The following TANK variants were observed in gnomAD, a reference collection of about 807,000 sequenced individuals.
TANK encodes the protein TRAF family member associated NFKB activator.
Under a neutral mutation model 43.6 loss-of-function variants are expected in TANK, and 15 were observed. The observed-to-expected ratio is 0.34, with a 90% CI of 0.23 to 0.53. The LOEUF (loss-of-function observed/expected upper bound fraction) is 0.53. TANK is among the 20% of genes least tolerant of loss of function. TANK has a pLI of 0.94. For missense variants in TANK, 417 were observed against 498.6 expected (o/e 0.84, Z 1.56); for synonymous variants, 162 against 178.2 (o/e 0.91, Z 0.73).
chr2:161,191,894 A>T (rs1263487470), intron 2 of TANK, among the ~76,000 whole-genome samples: 2 of 151,550 alleles, frequency 1.3e-5, no homozygotes, highest in Non-Finnish European at 1.5e-5. Flanking sequence ...TTCAAATGAT[A>T]CTCCTGCCTA....
At chr2:161,198,895 C>T (rs892432961) in intron 2 of TANK, among the ~76,000 whole-genome samples, 1 of 152,112 alleles carries the variant, frequency 6.6e-6, no homozygotes, top group Non-Finnish European at 1.5e-5. Flanking sequence ...AGGGTGGGAA[C>T]GTACAGGGCT....
intron 1 of TANK, 85 bp downstream of exon 1, chr2:161,160,571 C>A: frequency 1.8e-6 from 2 of 1,111,820 alleles, no homozygotes; most frequent in Non-Finnish European, 2.4e-6. Context: ...GAGAGGGACG[C>A]GCTGACAGTA....
intron 4 of TANK, chr2:161,211,705 A>G (rs773909755): frequency 1.1e-5 from 11 of 966,864 alleles, no homozygotes; most frequent in South Asian, 4.8e-5. Flanking sequence ...AATTCCTTTA[A>G]TGTTTAATCT....
intron 4 of TANK, chr2:161,207,514 C>A: frequency 1.0e-6 from 1 of 984,166 alleles, no homozygotes; most frequent in Non-Finnish European, 1.2e-6. Context: ...GAGCACTAAA[C>A]GTATAAGGGA....
At chr2:161,180,099 C>T (rs1168827016) in intron 2 of TANK, 2 of 1,009,560 alleles carry the variant, frequency 2.0e-6, no homozygotes, top group East Asian at 1.8e-4. Flanking sequence ...GTATCACTGT[C>T]TCCATTTGTT....
chr2:161,174,727 C>G (rs1220660833), intron 1 of TANK, among the ~76,000 whole-genome samples: 1 of 152,118 alleles, frequency 6.6e-6, no homozygotes, highest in East Asian at 1.9e-4. Context: ...TTTCAGGCAT[C>G]ATGGGGAAAG....
intron 2 of TANK, among the ~76,000 whole-genome samples, chr2:161,189,352 AT>A (rs1252703043): frequency 6.6e-6 from 1 of 152,190 alleles, no homozygotes; most frequent in Non-Finnish European, 1.5e-5. Flanking sequence ...CTGTTTTAGG[AT>A]TTTAAGAAAC....
intron 2 of TANK, among the ~76,000 whole-genome samples, chr2:161,181,708 G>C (rs1685436037): frequency 6.6e-6 from 1 of 152,124 alleles, no homozygotes. Flanking sequence ...CCGCCTCCAT[G>C]ATCCAGTCAC....
At chr2:161,145,449 G>A (rs1037793262) in intron 1 of TANK, among the ~76,000 whole-genome samples, 3 of 151,690 alleles carry the variant, frequency 2.0e-5, no homozygotes, top group African/African-American at 7.3e-5. Flanking sequence ...TGATATTTTG[G>A]TGTGTTTTTG....
In TANK at chr2:161,229,358, A is replaced by C. The variant is rs1019185706; in HGVS notation, c.521-1613A>C. Reference sequence around the variant, plus strand: ...TCTGAGGGGCTTGTAGAGCCATCAAAAGATTTTATTAGGAAGGTAACTTGG... The same window carrying C: ...TCTGAGGGGCTTGTAGAGCCATCAACAGATTTTATTAGGAAGGTAACTTGG... On this transcript the variant is annotated intron_variant, in intron 6 of 7. Coordinates refer to ENST00000392749, the MANE Select transcript of TANK (RefSeq NM_001199135.3). Among the ~76,000 whole-genome samples the C allele has an allele frequency of 3.3e-5, 5 of 152,318 alleles. 1 individual carries two copies. Among genetic ancestry groups the C allele is most frequent in the South Asian group, 4.1e-4 (2 of 4,828 alleles).
Position 161,224,716 on chromosome 2 carries a change from A to G in TANK, c.490A>G (p.Ser164Gly). 1.3e-6 allele frequency: 2 copies of G among 1,578,992 alleles called. No individual in the cohort carries two copies. Among genetic ancestry groups the G allele is most frequent in the Non-Finnish European group, 1.7e-6 (2 of 1,161,960 alleles). Residue 164 changes from serine to glycine, a missense_variant, in exon 6 of 8, where the codon AGC becomes GGC. Ser to Gly is a moderately conservative substitution (Grantham distance 56). Coordinates refer to ENST00000392749, the MANE Select transcript of TANK (RefSeq NM_001199135.3). The part of the protein sequence containing the change: ...MLAKAQKDHL[S>G]KLNIPDTATE... The stretch of plus-strand genomic sequence containing the variant: ...AGCAAAAGCACAGAAAGACCACTTA[A>G]GCAAACTTAATATACCAGACACTGC...
At chr2:161,181,272 T>C (rs957354339) in intron 2 of TANK, among the ~76,000 whole-genome samples, 7 of 152,034 alleles carry the variant, frequency 4.6e-5, no homozygotes, top group African/African-American at 1.7e-4. Context: ...AATACAAAAT[T>C]AGCCAGGCAT....
chr2:161,229,036 CATAACT>C (rs1229059003), intron 6 of TANK, among the ~76,000 whole-genome samples: 10 of 152,230 alleles, frequency 6.6e-5, no homozygotes, highest in African/African-American at 2.4e-4. Flanking sequence ...TTAAGTGACA[CATAACT>C]ATATAACAGT....
intron 5 of TANK, 38 bp downstream of exon 5, chr2:161,224,029 A>G (rs759162297): frequency 2.6e-5 from 33 of 1,277,178 alleles, no homozygotes; most frequent in Non-Finnish European, 3.3e-5. Flanking sequence ...CTTAAAAATT[A>G]TCAATACTGA....
At chr2:161,145,744 TG>T (rs1271188214) in intron 1 of TANK, among the ~76,000 whole-genome samples, 2 of 151,976 alleles carry the variant, frequency 1.3e-5, no homozygotes, top group Non-Finnish European at 2.9e-5. Context: ...ACTCCCCAGC[TG>T]CCCTTAACAT....
chr2:161,164,524 A>C (rs184988909), intron 1 of TANK, among the ~76,000 whole-genome samples: 4 of 152,334 alleles, frequency 2.6e-5, no homozygotes, highest in Non-Finnish European at 5.9e-5. Context: ...TCAGGAAGGG[A>C]TAACAGAATA....
At chr2:161,156,503 G>C (rs1474565602), upstream of TANK, 2 of 430,076 alleles carry the variant, frequency 4.7e-6, no homozygotes, top group Non-Finnish European at 6.2e-6. Context: ...ATTTTCCAAA[G>C]TATTCACTTT....
At chr2:161,141,063 G>A (rs1683733569) in intron 1 of TANK, among the ~76,000 whole-genome samples, 1 of 152,014 alleles carries the variant, frequency 6.6e-6, no homozygotes, top group South Asian at 2.1e-4. Context: ...TAAAATTGAG[G>A]TGAAATTCAT....
intron 1 of TANK, among the ~76,000 whole-genome samples, chr2:161,164,861 A>C (rs1209747394): frequency 2.0e-5 from 3 of 152,128 alleles, no homozygotes. Context: ...ATTTTTCTTA[A>C]GGAAAAGAGT....
Sources: gnomAD v4.1 joint callset for allele counts (sites outside exome capture counted in the v4.1 genomes callset) on GRCh38, gnomAD v4.1.1 for gene constraint, MANE v1.5 for transcripts, NCBI Gene and HGNC (gene_info 2026-07-23, HGNC 2026-07-21) for gene names.